Variants in CNTN5 observed in about 807,000 individuals in gnomAD.
CNTN5 encodes the protein contactin 5.
In CNTN5, 77 loss-of-function variants were observed where a neutral mutation model predicts 129.1. The ratio of observed to expected loss-of-function variants is 0.60; its 90% CI spans 0.50 to 0.72. The LOEUF (loss-of-function observed/expected upper bound fraction) is 0.72, where lower values mean the gene tolerates loss of function less well. Among genes scored for constraint, CNTN5 ranks in the 30% least tolerant of loss-of-function variants. The pLI is 0.00. For missense variants in CNTN5, 1,478 were observed against 1,328.8 expected (o/e 1.11, Z -1.75); for synonymous variants, 509 against 465.6 (o/e 1.09, Z -1.20).
intron 3 of CNTN5, among the ~76,000 whole-genome samples, chr11:99,593,148 G>A (rs140171437): frequency 3.3e-5 from 5 of 152,112 alleles, no homozygotes; most frequent in Admixed American, 3.3e-4. Context: ...TCCCTATTCT[G>A]ATGGAGAGTG....
intron 3 of CNTN5, among the ~76,000 whole-genome samples, chr11:99,785,420 C>T (rs1444427933): frequency 6.6e-6 from 1 of 152,090 alleles, no homozygotes; most frequent in East Asian, 1.9e-4. Context: ...TCCCATTTGA[C>T]AATTTTTCCT....
chr11:99,506,309 C>A (rs1020285532), intron 2 of CNTN5, among the ~76,000 whole-genome samples: 1 of 152,126 alleles, frequency 6.6e-6, no homozygotes, highest in South Asian at 2.1e-4. Context: ...AAAAAATGTT[C>A]TCTCTTTTTA....
intron 13 of CNTN5, among the ~76,000 whole-genome samples, chr11:100,149,648 T>C (rs1465314222): frequency 6.6e-6 from 1 of 151,944 alleles, no homozygotes; most frequent in Non-Finnish European, 1.5e-5. Context: ...ATCCCAGCAC[T>C]TTGGGAGGCC....
At chr11:99,392,965 A>G (rs1218317069) in intron 2 of CNTN5, among the ~76,000 whole-genome samples, 2 of 151,854 alleles carry the variant, frequency 1.3e-5, no homozygotes, top group African/African-American at 2.4e-5. Context: ...TAGCATGTGG[A>G]AATAATGGTA....
intron 1 of CNTN5, among the ~76,000 whole-genome samples, chr11:99,274,838 C>A (rs1026229029): frequency 4.6e-5 from 7 of 151,342 alleles, no homozygotes; most frequent in African/African-American, 1.7e-4. Flanking sequence ...AAATGTCTTT[C>A]AAAAACTGAT....
chr11:100,123,326 C>T (rs1334251883), intron 13 of CNTN5, among the ~76,000 whole-genome samples: 1 of 151,776 alleles, frequency 6.6e-6, no homozygotes, highest in Non-Finnish European at 1.5e-5. Flanking sequence ...TTTTATATCT[C>T]TATATATGTC....
intron 2 of CNTN5, among the ~76,000 whole-genome samples, chr11:99,412,307 A>G (rs1942434280): frequency 6.6e-6 from 1 of 152,188 alleles, no homozygotes. Context: ...AATCCATTCA[A>G]TATTTTTTGA....
intron 3 of CNTN5, chr11:99,558,073 A>G (rs1183048993): frequency 1.2e-5 from 2 of 160,904 alleles, no homozygotes; most frequent in African/African-American, 4.8e-5. Context: ...AGAGACATCT[A>G]TGACATGAAA....
At chr11:99,221,167 T>C (rs1471325) in intron 1 of CNTN5, among the ~76,000 whole-genome samples, 5,687 of 151,976 alleles carry the variant, frequency 0.037, 276 homozygotes, top group African/African-American at 0.11. Context: ...AGTCTAGAAT[T>C]CAAACAAGTA....
At chr11:99,155,274 A>T (rs1860277865) in intron 1 of CNTN5, among the ~76,000 whole-genome samples, 1 of 152,210 alleles carries the variant, frequency 6.6e-6, no homozygotes. Context: ...CAAAGTGTGC[A>T]TTTAAAACAT....
intron 2 of CNTN5, among the ~76,000 whole-genome samples, chr11:99,477,394 C>G (rs957201250): frequency 6.6e-6 from 1 of 151,866 alleles, no homozygotes; most frequent in Non-Finnish European, 1.5e-5. Context: ...TAACTAAACT[C>G]TGAGTCTCTT....
At chr11:99,615,953 C>G (rs1164697762) in intron 3 of CNTN5, among the ~76,000 whole-genome samples, 1 of 151,964 alleles carries the variant, frequency 6.6e-6, no homozygotes, top group Non-Finnish European at 1.5e-5. Context: ...TCAGGCTGGT[C>G]TTCAACTCCT....
intron 1 of CNTN5, among the ~76,000 whole-genome samples, chr11:99,297,396 A>G (rs1022694431): frequency 1.3e-5 from 2 of 152,176 alleles, no homozygotes; most frequent in African/African-American, 4.8e-5. Context: ...GCGATCCTGT[A>G]CATCCCTAAT....
chr11:99,354,674 A>C (rs1938519378), intron 2 of CNTN5, among the ~76,000 whole-genome samples: 1 of 152,116 alleles, frequency 6.6e-6, no homozygotes, highest in African/African-American at 2.4e-5. Context: ...CCTCTGCACT[A>C]TACTCCAAAC....
At chr11:100,185,587 G>T (rs913375970) in intron 13 of CNTN5, among the ~76,000 whole-genome samples, 1 of 152,172 alleles carries the variant, frequency 6.6e-6, no homozygotes, top group South Asian at 2.1e-4. Flanking sequence ...GGAAGGACAC[G>T]TAATGGACTG....
chr11:100,267,875 GTTA>G (rs1023683382), intron 17 of CNTN5, among the ~76,000 whole-genome samples: 2 of 152,154 alleles, frequency 1.3e-5, no homozygotes, highest in African/African-American at 4.8e-5. Context: ...TTAGGAAGCT[GTTA>G]TTATGATTGA....
At chr11:99,507,301 C>G (rs7932509) in intron 2 of CNTN5, among the ~76,000 whole-genome samples, 1 of 144,250 alleles carries the variant, frequency 6.9e-6, no homozygotes, top group African/African-American at 2.6e-5. Context: ...CGCTTGAACC[C>G]GGGAGGCAGA....
intron 6 of CNTN5, among the ~76,000 whole-genome samples, chr11:99,899,815 T>A (rs1448474685): frequency 1.3e-5 from 2 of 152,086 alleles, no homozygotes; most frequent in Non-Finnish European, 2.9e-5. Context: ...TACCGGCTTT[T>A]CTTTGTACAT....
At chr11:100,092,843 T>A (rs1319983275) in intron 13 of CNTN5, among the ~76,000 whole-genome samples, 2 of 151,054 alleles carry the variant, frequency 1.3e-5, no homozygotes, top group African/African-American at 5.0e-5. Flanking sequence ...GATTTCCAAC[T>A]TCTTTTCTCT....
Sources: allele counts gnomAD v4.1 joint callset (sites outside exome capture counted in the v4.1 genomes callset), GRCh38; gene constraint gnomAD v4.1.1; transcripts MANE v1.5; gene names NCBI Gene and HGNC (gene_info 2026-07-23, HGNC 2026-07-21).